Variants in SCYL3 observed in about 807,000 individuals in gnomAD.
SCYL3 encodes the protein protein-associating with the carboxyl-terminal domain of ezrin.
In SCYL3, 35 loss-of-function variants were observed where a neutral mutation model predicts 73.8. That is an observed-to-expected ratio of 0.47 (90% confidence interval 0.36 to 0.63). The LOEUF is 0.63. SCYL3 is among the 20% of genes least tolerant of loss of function. The pLI is 0.00. For synonymous variants in SCYL3, 277 were observed against 295.2 expected (o/e 0.94, Z 0.63); for missense variants, 712 against 798.9 (o/e 0.89, Z 1.31).
chr1:169,862,200 C>A lies in SCYL3; in HGVS notation c.1140+413G>T, dbSNP rs16862724. ...CCTTTCATTAGTTTCACTAACAAAA[C>A]CCTTTGGTGGGCAAATCATAATAAG... On this transcript the variant is annotated intron_variant, in intron 10 of 12. Transcript: ENST00000367771. Among the ~76,000 whole-genome samples the A allele has an allele frequency of 1.9e-3, 283 of 152,330 alleles. 1 individual carries two copies. Among genetic ancestry groups the A allele is most frequent in the African/African-American group, 6.6e-3 (276 of 41,580 alleles).
rs766654323 is a variant in SCYL3, at chr1:169,853,703, A to ACAT, written c.*7_*9dup. On this transcript the variant is annotated 3_prime_UTR_variant, in exon 13 of 13. Coordinates refer to ENST00000367771, the MANE Select transcript of SCYL3 (RefSeq NM_020423.7). ...AATCCTTTTTCCTAAAGTTTAACTC[A>ACAT]CATCTATTGTCACCAGTTATTATCT... is the stretch of plus-strand genomic sequence containing the variant. 1.1e-5 allele frequency: 17 copies of ACAT among 1,612,408 alleles called. No homozygotes were observed. The Admixed American group carries it at 1.7e-4, about 16-fold the overall frequency.
chr1:169,853,497 C>G lies in SCYL3; in HGVS notation c.*216G>C. ...AGTCAAATGCACAAAGGCTCTTCCT[C>G]CTGGAAACCAGTACTGTGAGCCTCA... On this transcript the variant is annotated 3_prime_UTR_variant, in exon 13 of 13. Coordinates refer to ENST00000367771, the MANE Select transcript of SCYL3 (RefSeq NM_020423.7). The G allele has an allele frequency of 3.9e-6, 2 of 507,272 alleles. No homozygotes were observed. The highest frequency in any genetic ancestry group is 6.9e-6 in the Non-Finnish European group (2 of 290,468). The allele number at this position is 507,272 out of a possible 1,614,324, so 31.4% of individuals were successfully genotyped here.
At chr1:169,858,955 G>A in intron 11 of SCYL3, 86 bp downstream of exon 11, 1 of 1,165,302 alleles carries the variant, frequency 8.6e-7, no homozygotes, top group East Asian at 2.5e-5. Flanking sequence ...TCATTTGACT[G>A]AATATGACCC....
chr1:169,880,030 G>A (rs931150225), intron 2 of SCYL3, among the ~76,000 whole-genome samples: 2 of 152,112 alleles, frequency 1.3e-5, no homozygotes, highest in Non-Finnish European at 2.9e-5. Context: ...CACTTTGGGA[G>A]GCCAATGCAG....
chr1:169,852,830 A>AAGAGT lies in SCYL3; in HGVS notation c.*878_*882dup, dbSNP rs766562213. ...GCTCGTCAGGAGTTCCCCTGGGAAGAAGAGTACAGGTCAGCGCTGCATACA... is the reference window on the plus strand; with the variant it reads ...GCTCGTCAGGAGTTCCCCTGGGAAGAAGAGTAGAGTACAGGTCAGCGCTGCATACA... On this transcript the variant is annotated 3_prime_UTR_variant, in exon 13 of 13. Coordinates refer to ENST00000367771, the MANE Select transcript of SCYL3 (RefSeq NM_020423.7). 1 of 1,614,148 alleles carries AAGAGT rather than the reference A, an allele frequency of 6.2e-7. No homozygotes were observed. Among genetic ancestry groups the AAGAGT allele is most frequent in the Non-Finnish European group, 8.5e-7 (1 of 1,179,982 alleles).
rs186328179 is a variant in SCYL3 at position 169,864,955 on chromosome 1, G to A, written c.816-447C>T. 8.1e-3 allele frequency among the ~76,000 whole-genome samples: 1,151 copies of A among 141,572 alleles called. 19 individuals carry two copies. The highest frequency in any genetic ancestry group is 0.029 in the African/African-American group (1,079 of 37,706). 92.9% of individuals were successfully genotyped at this position (141,572 alleles called of 152,430 possible). A position where few individuals can be genotyped will look rare whatever the true frequency, so the allele number is the denominator to read the frequency against. On this transcript the variant is annotated intron_variant, in intron 8 of 12. Transcript: ENST00000367771. The stretch of plus-strand genomic sequence containing the variant: ...ACTGCACTCCAGCCTGGGTGACAGG[G>A]TGAGATTCTGTCTCAAAAAAAAAAA...
At chr1:169,875,775 A>T (rs1365376979) in intron 4 of SCYL3, among the ~76,000 whole-genome samples, 1 of 152,242 alleles carries the variant, frequency 6.6e-6, no homozygotes, top group East Asian at 1.9e-4. Flanking sequence ...TTCCCTATTT[A>T]TAAAATAAGG....
chr1:169,864,351 C>G lies in SCYL3; in HGVS notation c.955+18G>C. 1.2e-6 allele frequency: 2 copies of G among 1,614,134 alleles called. No homozygotes were observed. The highest frequency in any genetic ancestry group is 1.7e-6 in the Non-Finnish European group (2 of 1,180,000). On this transcript the variant is annotated intron_variant, in intron 9 of 12. Coordinates refer to ENST00000367771, the MANE Select transcript of SCYL3 (RefSeq NM_020423.7). ...CCAAACTTCTTAACTAGCAATAACA[C>G]TTTGAAAAAGCATTCACCTTTTTTG...
At chr1:169,873,880 T>C (rs1323191940) in intron 4 of SCYL3, 128 bp from the exon 5 acceptor site, 5 of 617,232 alleles carry the variant, frequency 8.1e-6, no homozygotes, top group African/African-American at 5.6e-5. Flanking sequence ...CAATGCCGCA[T>C]ATTAGATGCA....
In SCYL3 at chr1:169,850,399, G is replaced by A. The variant is rs1206274225; in HGVS notation, c.*3314C>T. 24 of 1,257,528 alleles carry A rather than the reference G, an allele frequency of 1.9e-5. No individual in the cohort carries two copies. Among genetic ancestry groups the A allele is most frequent in the South Asian group, 1.0e-4 (8 of 76,772 alleles). The allele number at this position is 1,257,528 out of a possible 1,614,324, so 77.9% of individuals were successfully genotyped here. ...TTCTTTGTCCTATTTTTTTTTTTCC[G>A]AAATTATGTAACTGTAACCAACCTG... On this transcript the variant is annotated 3_prime_UTR_variant, in exon 13 of 13. Coordinates refer to ENST00000367771, the MANE Select transcript of SCYL3 (RefSeq NM_020423.7).
At chr1:169,875,830 A>G (rs1004529853) in intron 4 of SCYL3, 148 bp downstream of exon 4, 24 of 456,134 alleles carry the variant, frequency 5.3e-5, no homozygotes, top group African/African-American at 4.3e-4. Flanking sequence ...ACAAAATGCT[A>G]TAATTCTATA....
intron 2 of SCYL3, among the ~76,000 whole-genome samples, chr1:169,879,760 CAGAA>C (rs1661113916): frequency 6.6e-6 from 1 of 151,900 alleles, no homozygotes; most frequent in Non-Finnish European, 1.5e-5. Context: ...TTAGAATTAC[CAGAA>C]AGAATTTAAA....
chr1:169,853,723 T>TTATC lies in SCYL3; in HGVS notation c.2053_2056dup (p.Asn686ArgfsTer2). 1 of 1,613,786 alleles carries TTATC rather than the reference T, an allele frequency of 6.2e-7. No individual in the cohort carries two copies. ...AACTCACATCTATTGTCACCAGTTA[T>TTATC]TATCTTCCCAGTTCAGCTCCCCTTC... On this transcript the variant is annotated stop_gained and frameshift_variant, in exon 13 of 13. Transcript: ENST00000367771. LOFTEE classifies it high-confidence loss of function.
At chr1:169,864,295 C>T (rs1659871895) in intron 9 of SCYL3, 74 bp downstream of exon 9, 3 of 1,579,006 alleles carry the variant, frequency 1.9e-6, no homozygotes, top group Non-Finnish European at 8.7e-7. Context: ...ACACAGTAAT[C>T]TCATCCTGCT....
chr1:169,853,564 C>G lies in SCYL3; in HGVS notation c.*149G>C. The G allele has an allele frequency of 1.3e-6, 1 of 774,802 alleles. No homozygotes were observed. The highest frequency in any genetic ancestry group is 2.1e-6 in the Non-Finnish European group (1 of 474,954). The allele number at this position is 774,802 out of a possible 1,614,324, so 48.0% of individuals were successfully genotyped here. Reference sequence around the variant, plus strand: ...GCCAGCACTCACAGTCAGTCTCCTACTTCAGTTGGCACAGACTGGATAATG... The same window carrying G: ...GCCAGCACTCACAGTCAGTCTCCTAGTTCAGTTGGCACAGACTGGATAATG... On this transcript the variant is annotated 3_prime_UTR_variant, in exon 13 of 13. Transcript: ENST00000367771.
intron 5 of SCYL3, among the ~76,000 whole-genome samples, chr1:169,872,143 TG>T (rs1660449350): frequency 6.6e-6 from 1 of 152,234 alleles, no homozygotes; most frequent in African/African-American, 2.4e-5. Flanking sequence ...ATCACAGGCC[TG>T]CAGGCCTAGG....
At chr1:169,856,283 C>CTACT (rs1452575130) in intron 11 of SCYL3, among the ~76,000 whole-genome samples, 1 of 152,162 alleles carries the variant, frequency 6.6e-6, no homozygotes, top group Non-Finnish European at 1.5e-5. Context: ...CCAACTGATT[C>CTACT]TACTTACTTT....
chr1:169,852,789 G>A lies in SCYL3; in HGVS notation c.*924C>T. On this transcript the variant is annotated 3_prime_UTR_variant, in exon 13 of 13. Transcript: ENST00000367771. ...TGATATTACTTATGTTTTTTTTCCA[G>A]CCTTATGCAAAAAGAGCTCGTCAGG... 6.2e-7 allele frequency: 1 copy of A among 1,611,668 alleles called. No homozygotes were observed. The highest frequency in any genetic ancestry group is 8.5e-7 in the Non-Finnish European group (1 of 1,179,198).
intron 11 of SCYL3, chr1:169,855,817 A>C (rs775755746): frequency 1.2e-6 from 2 of 1,613,700 alleles, no homozygotes; most frequent in Non-Finnish European, 1.7e-6. Flanking sequence ...AGAGTATTGT[A>C]GTAATCTCGC....
Sources: allele counts gnomAD v4.1 joint callset (sites outside exome capture counted in the v4.1 genomes callset), GRCh38; gene constraint gnomAD v4.1.1; transcripts MANE v1.5; gene names NCBI Gene and HGNC (gene_info 2026-07-23, HGNC 2026-07-21).